The following PROS1 variants were observed in gnomAD, a reference collection of about 807,000 sequenced individuals.
The protein encoded by PROS1 is protein S, also known as vitamin K-dependent protein S.
Under a neutral mutation model 75.9 loss-of-function variants are expected in PROS1, and 29 were observed. The observed-to-expected ratio is 0.38, with a 90% confidence interval of 0.28 to 0.52. The LOEUF is 0.52. Ranked by LOEUF, PROS1 falls within the 20% of genes least tolerant of loss-of-function variation. The pLI is 0.83. For synonymous variants in PROS1, 245 were observed against 280.6 expected (o/e 0.87, Z 1.27); for missense variants, 680 against 810.3 (o/e 0.84, Z 1.95).
At chr3:93,885,702 T>G (rs1187130984) in intron 11 of PROS1, among the ~76,000 whole-genome samples, 2 of 152,234 alleles carry the variant, frequency 1.3e-5, no homozygotes, top group African/African-American at 4.8e-5. Context: ...TATTTTACTT[T>G]TAAAGTGTAT....
At chr3:93,910,968 T>TG in intron 3 of PROS1, 1 of 428,232 alleles carries the variant, frequency 2.3e-6, no homozygotes, top group Non-Finnish European at 4.3e-6. Flanking sequence ...AAGTCAGAAG[T>TG]GAAAAAAACC....
intron 1 of PROS1, among the ~76,000 whole-genome samples, chr3:93,935,212 C>CT (rs1709164742): frequency 1.3e-5 from 2 of 152,120 alleles, no homozygotes; most frequent in South Asian, 4.1e-4. Flanking sequence ...TTCTACAACT[C>CT]TATTTTTTTT....
At chr3:93,932,891 C>G (rs574834962) in intron 1 of PROS1, among the ~76,000 whole-genome samples, 13 of 152,300 alleles carry the variant, frequency 8.5e-5, no homozygotes, top group African/African-American at 2.9e-4. Context: ...GATGAGGTGG[C>G]AGATGGAGGA....
At chr3:93,919,110 T>G (rs1234093178) in intron 3 of PROS1, among the ~76,000 whole-genome samples, 1 of 152,166 alleles carries the variant, frequency 6.6e-6, no homozygotes, top group Admixed American at 6.5e-5. Context: ...CCTCCAACTT[T>G]CTACCTCTAC....
At position 93,924,772 on chromosome 3, in the gene PROS1, C is replaced by T. The variant is rs374841978; in HGVS notation, c.235-508G>A. 7.5e-4 allele frequency among the ~76,000 whole-genome samples: 114 copies of T among 151,870 alleles called. 1 individual carries two copies. The South Asian group carries it at 0.022, about 30-fold the overall frequency. The stretch of plus-strand genomic sequence containing the variant: ...TACCCTCCTGGGCTCAAGTAATCCT[C>T]CCATCTCAGCCCCCCAAGTAGCTGG... On this transcript the variant is annotated intron_variant, in intron 2 of 14. Coordinates refer to ENST00000394236, the MANE Select transcript of PROS1 (RefSeq NM_000313.4).
Position 93,906,276 on chromosome 3 carries a change from A to G in PROS1, c.347-133T>C, listed in dbSNP as rs947938636. 7 of 981,012 alleles carry G rather than the reference A, an allele frequency of 7.1e-6. No individual in the cohort carries two copies. The Admixed American group carries it at 1.9e-4, about 27-fold the overall frequency. 60.8% of individuals were successfully genotyped at this position (981,012 alleles called of 1,614,324 possible). ...CACACAACTCCTTTCTTTAAATAAT[A>G]CTTTTCCTAAATTAAAAAGTGAGCC... is the stretch of plus-strand genomic sequence containing the variant. On this transcript the variant is annotated intron_variant, in intron 4 of 14. Coordinates refer to ENST00000394236, the MANE Select transcript of PROS1 (RefSeq NM_000313.4).
At chr3:93,896,717 A>T (rs771709365) in intron 8 of PROS1, 26 bp from the exon 9 acceptor site, 15 of 1,529,038 alleles carry the variant, frequency 9.8e-6, no homozygotes, top group East Asian at 2.3e-5. Flanking sequence ...CCAAATAAAC[A>T]ACAAGAAAAT....
chr3:93,942,827 A>C (rs1488040774), intron 1 of PROS1, among the ~76,000 whole-genome samples: 1 of 151,304 alleles, frequency 6.6e-6, no homozygotes, highest in Non-Finnish European at 1.5e-5. Context: ...CTCTTCTACT[A>C]CTCCTCAGGG....
intron 13 of PROS1, among the ~76,000 whole-genome samples, chr3:93,877,553 T>C (rs1230106491): frequency 6.6e-6 from 1 of 152,198 alleles, no homozygotes; most frequent in Admixed American, 6.5e-5. Flanking sequence ...GTTGAATCAC[T>C]CTTTGTTGAG....
At chr3:93,935,745 C>T (rs923788589) in intron 1 of PROS1, among the ~76,000 whole-genome samples, 5 of 151,970 alleles carry the variant, frequency 3.3e-5, no homozygotes, top group Non-Finnish European at 7.4e-5. Flanking sequence ...TCAAGTGAGT[C>T]TTTCTAATTC....
At chr3:93,957,672 A>G (rs1422251125) in intron 1 of PROS1, among the ~76,000 whole-genome samples, 2 of 152,170 alleles carry the variant, frequency 1.3e-5, no homozygotes, top group Non-Finnish European at 2.9e-5. Flanking sequence ...TGTACCCTAT[A>G]AACATGGTTG....
At chr3:93,968,446 T>C (rs900474694) in intron 1 of PROS1, among the ~76,000 whole-genome samples, 9 of 152,208 alleles carry the variant, frequency 5.9e-5, no homozygotes, top group African/African-American at 2.2e-4. Flanking sequence ...TCCTGATACC[T>C]TGATTTTGGA....
At chr3:93,931,231 A>G (rs1709100959) in intron 1 of PROS1, among the ~76,000 whole-genome samples, 1 of 152,186 alleles carries the variant, frequency 6.6e-6, no homozygotes, top group African/African-American at 2.4e-5. Flanking sequence ...ATGGAATTCA[A>G]ATATACCCAT....
chr3:93,971,018 T>G (rs757480081), intron 1 of PROS1, among the ~76,000 whole-genome samples: 2 of 151,626 alleles, frequency 1.3e-5, no homozygotes, highest in Non-Finnish European at 2.9e-5. Context: ...AAATATTTTT[T>G]TAATCGTCCT....
intron 12 of PROS1, 81 bp from the exon 13 acceptor site, chr3:93,879,395 G>A (rs1708242631): frequency 6.7e-7 from 1 of 1,493,714 alleles, no homozygotes; most frequent in Non-Finnish European, 9.3e-7. Flanking sequence ...CACAGTCCAG[G>A]TAATATTCAA....
chr3:93,908,632 T>C (rs1452160074), intron 4 of PROS1, among the ~76,000 whole-genome samples: 2 of 152,162 alleles, frequency 1.3e-5, no homozygotes, highest in Admixed American at 1.3e-4. Context: ...CAGAGAGGGA[T>C]AGGGATAGTT....
At chr3:93,884,109 ATTC>A (rs944212914) in intron 12 of PROS1, among the ~76,000 whole-genome samples, 1 of 152,220 alleles carries the variant, frequency 6.6e-6, no homozygotes, top group African/African-American at 2.4e-5. Flanking sequence ...AGACACAAAT[ATTC>A]TTTATCTCAG....
At chr3:93,877,400 T>C (rs1559927565) in intron 13 of PROS1, among the ~76,000 whole-genome samples, 4 of 152,178 alleles carry the variant, frequency 2.6e-5, no homozygotes, top group Non-Finnish European at 4.4e-5. Flanking sequence ...ACATTAGTTT[T>C]ACAAACTCAA....
At position 93,943,703 on chromosome 3, in the gene PROS1, G is replaced by A. The variant is rs538012202; in HGVS notation, c.77-16296C>T. Among the ~76,000 whole-genome samples the A allele has an allele frequency of 2.6e-5, 4 of 152,270 alleles. No individual in the cohort carries two copies. In the South Asian group the frequency reaches 8.3e-4, roughly 32 times the overall value. On this transcript the variant is annotated intron_variant, in intron 1 of 14. Coordinates refer to ENST00000394236, the MANE Select transcript of PROS1 (RefSeq NM_000313.4). ...AGGAATGTCAGGCCTCTGAGCCCAA[G>A]CTAAGCCATCATATCCCCTGTGACC...
Sources: allele counts gnomAD v4.1 joint callset (sites outside exome capture counted in the v4.1 genomes callset), GRCh38; gene constraint gnomAD v4.1.1; transcripts MANE v1.5; gene names NCBI Gene and HGNC (gene_info 2026-07-23, HGNC 2026-07-21).